The following KMT2C variants were observed in gnomAD, a reference collection of about 807,000 sequenced individuals.
KMT2C encodes the protein histone-lysine N-methyltransferase 2C.
Under a neutral mutation model 507.9 loss-of-function variants are expected in KMT2C, and 88 were observed. The observed-to-expected ratio is 0.17, with a 90% CI of 0.15 to 0.21. The LOEUF (loss-of-function observed/expected upper bound fraction) is 0.21, where lower values mean the gene tolerates loss of function less well. Among genes scored for constraint, KMT2C ranks in the 10% least tolerant of loss-of-function variants. The pLI, the probability that KMT2C is intolerant of heterozygous loss-of-function variation, is 1.00. For synonymous variants in KMT2C, 2,049 were observed against 2,080.8 expected, an observed-to-expected ratio of 0.98 and a Z score of 0.42; for missense variants, 4,954 against 5,957.8, an observed-to-expected ratio of 0.83 and a Z score of 5.55.
chr7:152,154,455 CAT>C lies in KMT2C; in HGVS notation c.11961-12_11961-11del, dbSNP rs766394074. ...ACAGTGATCCTGTATCCTGAAAAAACATAAACACACACATCAAAGTCTGCAAA... is the reference window on the plus strand; with the variant it reads ...ACAGTGATCCTGTATCCTGAAAAAACAAACACACACATCAAAGTCTGCAAA... On this transcript the variant is annotated splice_polypyrimidine_tract_variant and intron_variant, in intron 46 of 58. Transcript: ENST00000262189. 10 of 1,609,898 alleles carry C rather than the reference CAT, an allele frequency of 6.2e-6. No homozygotes were observed. Among genetic ancestry groups the C allele is most frequent in the South Asian group, 1.1e-5 (1 of 91,074 alleles).
chr7:152,275,597 T>C (rs866683569), intron 6 of KMT2C, among the ~76,000 whole-genome samples: 1 of 152,190 alleles, frequency 6.6e-6, no homozygotes. Context: ...AATAAATATT[T>C]TTCTTCATTG....
At chr7:152,197,778 C>T (rs113281665) in intron 27 of KMT2C, among the ~76,000 whole-genome samples, 26 of 152,020 alleles carry the variant, frequency 1.7e-4, no homozygotes, top group African/African-American at 5.8e-4. Flanking sequence ...AGCCTTTAGT[C>T]ATTAATTTTC....
rs778238891 is a variant in KMT2C, at chr7:152,177,729, C to T, written c.7724G>A (p.Ser2575Asn). 5.0e-6 allele frequency: 8 copies of T among 1,613,968 alleles called. No individual in the cohort carries two copies. In the South Asian group the frequency reaches 7.7e-5, roughly 16 times the overall value. ...CTCTACAACGCTGCCAGGTGGAGCACTGAAAGGCAGCCGTTGCCTTCCGTC... is the reference window on the plus strand; with the variant it reads ...CTCTACAACGCTGCCAGGTGGAGCATTGAAAGGCAGCCGTTGCCTTCCGTC... ...APDGRQRLPF[S>N]APPGSVVEAS... is the part of the protein sequence containing the mutation. The change falls in exon 38 of 59, where the codon AGT becomes AAT. Residue 2575 changes from serine to asparagine, a missense_variant. Ser to Asn is a conservative substitution (Grantham distance 46, BLOSUM62 1). Around this residue, in one of 29 missense-constraint regions of KMT2C, gnomAD observed 1,689 missense variants for 1,654.3 expected, o/e 1.02. Transcript: ENST00000262189.
chr7:152,412,272 G>A (rs566382643), intron 1 of KMT2C, among the ~76,000 whole-genome samples: 391 of 152,262 alleles, frequency 2.6e-3, no homozygotes, highest in Non-Finnish European at 3.0e-3. Flanking sequence ...ATCGTGGCAG[G>A]AACCTGTAAT....
chr7:152,218,349 A>C (rs2094644582), intron 23 of KMT2C, among the ~76,000 whole-genome samples: 1 of 152,050 alleles, frequency 6.6e-6, no homozygotes, highest in East Asian at 1.9e-4. Context: ...TTTTTAGTAG[A>C]GATGAGGTTT....
intron 2 of KMT2C, among the ~76,000 whole-genome samples, chr7:152,332,892 A>ACACACACACACACAC (rs1305747560): frequency 6.6e-6 from 1 of 151,262 alleles, no homozygotes; most frequent in Non-Finnish European, 1.5e-5. Flanking sequence ...ACACACACAC[A>ACACACACACACACAC]AATTATTCTC....
At chr7:152,389,603 G>A (rs776993440) in intron 1 of KMT2C, among the ~76,000 whole-genome samples, 1 of 151,860 alleles carries the variant, frequency 6.6e-6, no homozygotes, top group Non-Finnish European at 1.5e-5. Context: ...CACCATACCT[G>A]GCTAAGTTTT....
intron 1 of KMT2C, among the ~76,000 whole-genome samples, chr7:152,429,645 C>T (rs1242807067): frequency 1.3e-5 from 2 of 151,704 alleles, no homozygotes; most frequent in African/African-American, 2.4e-5. Flanking sequence ...CTCAGCCTCC[C>T]GAGTCACTGG....
At position 152,135,821 on chromosome 7, in the gene KMT2C, G is replaced by A. The variant is rs555243884; in HGVS notation, c.*1011C>T. ...TATAAAAGTTGTAGTCGTAGCATAC[G>A]CCCCGCTCTGTCAGAAGTAAGGTGT... On this transcript the variant is annotated 3_prime_UTR_variant, in exon 59 of 59. Coordinates refer to ENST00000262189, the MANE Select transcript of KMT2C (RefSeq NM_170606.3). The A allele has an allele frequency of 3.5e-5, 8 of 230,442 alleles. No individual in the cohort carries two copies. Among genetic ancestry groups the A allele is most frequent in the Middle Eastern group, 1.3e-3 (1 of 800 alleles). The allele number at this position is 230,442 out of a possible 1,614,324, so 14.3% of individuals were successfully genotyped here.
chr7:152,263,132 T>TA lies in KMT2C; in HGVS notation c.1185-3dup. On this transcript the variant is annotated splice_polypyrimidine_tract_variant and splice_region_variant and intron_variant, in intron 8 of 58. Transcript: ENST00000262189. The stretch of plus-strand genomic sequence containing the variant: ...ATCTTGCTATCTTCTCCCGATTGTC[T>TA]AAAAAATAAGATAGCATTAATGATG... 1 of 1,604,754 alleles carries TA rather than the reference T, an allele frequency of 6.2e-7. No individual in the cohort carries two copies. Among genetic ancestry groups the TA allele is most frequent in the Non-Finnish European group, 8.5e-7 (1 of 1,176,950 alleles).
chr7:152,323,820 GGA>G (rs2096796666), intron 3 of KMT2C, among the ~76,000 whole-genome samples: 22 of 145,128 alleles, frequency 1.5e-4, no homozygotes, highest in Admixed American at 1.3e-3. Flanking sequence ...GAGGGGAAGG[GGA>G]TTAAGGAAGA....
chr7:152,371,247 A>G lies in KMT2C; in HGVS notation c.162-12572T>C, dbSNP rs191437352. ...ATAAAAGATATACATTATGAAATCAATAATACAAAATGTGAAAGGAGACGT... is the reference window on the plus strand; with the variant it reads ...ATAAAAGATATACATTATGAAATCAGTAATACAAAATGTGAAAGGAGACGT... On this transcript the variant is annotated intron_variant, in intron 1 of 58. Coordinates refer to ENST00000262189, the MANE Select transcript of KMT2C (RefSeq NM_170606.3). 3.5e-4 allele frequency among the ~76,000 whole-genome samples: 54 copies of G among 152,346 alleles called. No individual in the cohort carries two copies. In the Middle Eastern group the frequency reaches 0.014, roughly 38 times the overall value.
intron 2 of KMT2C, among the ~76,000 whole-genome samples, chr7:152,346,346 C>G (rs1340810953): frequency 6.6e-6 from 1 of 152,154 alleles, no homozygotes; most frequent in Non-Finnish European, 1.5e-5. Flanking sequence ...TAAAACATAC[C>G]TTAACAGATT....
At chr7:152,202,410 A>T (rs1239661065) in intron 26 of KMT2C, among the ~76,000 whole-genome samples, 1 of 152,250 alleles carries the variant, frequency 6.6e-6, no homozygotes, top group East Asian at 1.9e-4. Flanking sequence ...TACATCTATC[A>T]AACATAATTT....
At chr7:152,427,173 G>A (rs893174930) in intron 1 of KMT2C, among the ~76,000 whole-genome samples, 1 of 152,044 alleles carries the variant, frequency 6.6e-6, no homozygotes, top group Non-Finnish European at 1.5e-5. Context: ...CTGCCACCAT[G>A]ACTGGCTAAT....
intron 6 of KMT2C, among the ~76,000 whole-genome samples, chr7:152,305,041 C>T (rs1483465184): frequency 6.6e-6 from 1 of 152,136 alleles, no homozygotes; most frequent in Admixed American, 6.5e-5. Flanking sequence ...TTGATAACCT[C>T]CAGTAACACT....
intron 3 of KMT2C, 122 bp downstream of exon 3, chr7:152,330,479 T>C: frequency 5.2e-6 from 5 of 967,110 alleles, no homozygotes; most frequent in Non-Finnish European, 7.9e-6. Context: ...ATTTAGCTAC[T>C]AAATCATAAA....
intron 6 of KMT2C, among the ~76,000 whole-genome samples, chr7:152,274,131 T>G (rs1211552891): frequency 6.6e-6 from 1 of 152,002 alleles, no homozygotes; most frequent in Admixed American, 6.6e-5. Context: ...TTTGAAGCAT[T>G]TTTGAAACAA....
Position 152,154,334 on chromosome 7 carries a change from G to A in KMT2C, c.12072C>T (p.Val4024=). 6.2e-7 allele frequency: 1 copy of A among 1,614,182 alleles called. No individual in the cohort carries two copies. The highest frequency in any genetic ancestry group is 1.1e-5 in the South Asian group (1 of 91,068). Residue 4024 remains valine, a synonymous_variant, in exon 47 of 59, where the codon GTC becomes GTT. Coordinates refer to ENST00000262189, the MANE Select transcript of KMT2C (RefSeq NM_170606.3). ...EVSRYPDLSL[V]KEEPPEPVPS... ...GCACCGGTTCTGGAGGCTCCTCCTT[G>A]ACCAATGACAGATCTGGATACCTGC...
Sources: allele counts gnomAD v4.1 joint callset (sites outside exome capture counted in the v4.1 genomes callset), GRCh38; gene constraint gnomAD v4.1.1; regional missense constraint gnomAD v4.1.1; transcripts MANE v1.5; gene names NCBI Gene and HGNC (gene_info 2026-07-23, HGNC 2026-07-21).